Variants in ZNF600 observed in about 807,000 individuals in gnomAD.
ZNF600 encodes zinc finger protein KR-ZNF1.
In ZNF600, 4 loss-of-function variants were observed where a neutral mutation model predicts 7.3. The observed-to-expected ratio is 0.55, with a 90% CI of 0.27 to 1.25. The LOEUF is 1.25. Ranked by LOEUF, ZNF600 falls within the 50% of genes most tolerant of loss-of-function variation. The pLI, the probability that ZNF600 is intolerant of heterozygous loss-of-function variation, is 0.12. For synonymous variants in ZNF600, 290 were observed against 308.9 expected, an observed-to-expected ratio of 0.94 and a Z score of 0.64; for missense variants, 911 against 922.1, an observed-to-expected ratio of 0.99 and a Z score of 0.16.
At chr19:52,818,071 C>T in the ZNF600 span, 2 of 1,531,486 alleles carry the variant, frequency 1.3e-6, no homozygotes, top group Non-Finnish European at 1.8e-6. Context: ...TCAGAATCAA[C>T]ACATCCCCTC....
chr19:52,804,685 A>G, the ZNF600 span, among the ~76,000 whole-genome samples: 2 of 152,098 alleles, frequency 1.3e-5, no homozygotes, highest in Non-Finnish European at 2.9e-5. Flanking sequence ...TTTGGCATTT[A>G]GTAAATTCGA....
At chr19:52,801,798 A>C in the ZNF600 span, 51 of 1,169,208 alleles carry the variant, frequency 4.4e-5, no homozygotes, top group African/African-American at 7.4e-4. Flanking sequence ...TACTTATTTT[A>C]AACTTCCCAA....
the ZNF600 span, chr19:52,798,188 AGT>A: frequency 6.4e-6 from 1 of 157,084 alleles, no homozygotes; most frequent in African/African-American, 2.4e-5. Flanking sequence ...GGCTGGGAAA[AGT>A]GGCTCCCGTC....
the ZNF600 span, among the ~76,000 whole-genome samples, chr19:52,806,680 T>A: frequency 1.3e-5 from 2 of 151,658 alleles, no homozygotes; most frequent in Non-Finnish European, 2.9e-5. Flanking sequence ...GGCAAGTGGG[T>A]CACTTGAGAT....
At chr19:52,826,139 G>A in the ZNF600 span, among the ~76,000 whole-genome samples, 64 of 152,252 alleles carry the variant, frequency 4.2e-4, no homozygotes, top group South Asian at 6.0e-3. Flanking sequence ...AACTTTCTTT[G>A]TCCGGGAGTG....
chr19:52,813,837 G>GT, the ZNF600 span, among the ~76,000 whole-genome samples: 2 of 146,228 alleles, frequency 1.4e-5, 1 homozygote, highest in South Asian at 4.6e-4. Context: ...CTGTTTTTCA[G>GT]TTTTTTGTTT....
upstream of ZNF600, among the ~76,000 whole-genome samples, chr19:52,790,063 C>T (rs2062787434): frequency 6.6e-6 from 1 of 152,146 alleles, no homozygotes; most frequent in Non-Finnish European, 1.5e-5. Flanking sequence ...AAGGCAAGGA[C>T]CGGCCATTTA....
At chr19:52,819,582 G>A in the ZNF600 span, among the ~76,000 whole-genome samples, 16 of 76,122 alleles carry the variant, frequency 2.1e-4, no homozygotes, top group African/African-American at 7.8e-4. Flanking sequence ...TTGCAGGGGA[G>A]GCTCACTGGG....
chr19:52,778,981 G>A, intron 1 of ZNF600, 74 bp from the exon 4 acceptor site: 1 of 1,382,342 alleles, frequency 7.2e-7, no homozygotes, highest in Admixed American at 2.3e-5. Flanking sequence ...CACATGAACA[G>A]GGGAGACCTC....
intron 2 of ZNF600, among the ~76,000 whole-genome samples, chr19:52,775,899 G>A (rs1272321752): frequency 2.0e-5 from 3 of 151,878 alleles, no homozygotes; most frequent in Non-Finnish European, 2.9e-5. Flanking sequence ...CCCAATACTC[G>A]GGAGGCTGAG....
intron 1 of ZNF600, among the ~76,000 whole-genome samples, chr19:52,783,756 C>A (rs2062742587): frequency 6.6e-6 from 1 of 152,090 alleles, no homozygotes; most frequent in Non-Finnish European, 1.5e-5. Context: ...TTTTATGCCC[C>A]TCTCCTGTTT....
At chr19:52,764,372 C>G (rs753975338), downstream of ZNF600, 1 of 151,968 alleles carries the variant, frequency 6.6e-6, no homozygotes, top group South Asian at 2.1e-4. Context: ...CACCACCCCC[C>G]GGCTAACTTT....
chr19:52,829,854 G>T, the ZNF600 span, among the ~76,000 whole-genome samples: 1 of 152,202 alleles, frequency 6.6e-6, no homozygotes, highest in East Asian at 1.9e-4. Context: ...GACGGAGACA[G>T]GAAAAGGAGC....
At chr19:52,800,389 T>C in the ZNF600 span, 2 of 1,613,978 alleles carry the variant, frequency 1.2e-6, no homozygotes, top group Non-Finnish European at 1.7e-6. Flanking sequence ...TGAATCCTCC[T>C]ATGTCTTTCA....
chr19:52,780,934 A>C lies in ZNF600; in HGVS notation c.-19-2027T>G, dbSNP rs1178210122. The stretch of plus-strand genomic sequence containing the variant: ...ATCTGAGATGTGCAGACTGCAAGGA[A>C]ATGTGTTTGGGGGTTTAGAAAGCCA... On this transcript the variant is annotated intron_variant, in intron 1 of 3. It adds an upstream start codon to the 5' untranslated region. Transcript: ENST00000648973. 1 of 152,180 alleles carries C rather than the reference A, an allele frequency of 6.6e-6. No individual in the cohort carries two copies. The highest frequency in any genetic ancestry group is 1.5e-5 in the Non-Finnish European group (1 of 68,032). 9.4% of individuals were successfully genotyped at this position (152,180 alleles called of 1,614,324 possible). A position where few individuals can be genotyped will look rare whatever the true frequency, so the allele number is the denominator to read the frequency against.
intron 2 of ZNF600, 132 bp from the exon 5 acceptor site, chr19:52,774,833 AT>A: frequency 1.0e-6 from 1 of 980,386 alleles, no homozygotes; most frequent in Non-Finnish European, 1.2e-6. Flanking sequence ...TATTTTGAAT[AT>A]TTTTTCCCTA....
chr19:52,778,713 T>C (rs1568632331), intron 2 of ZNF600, 113 bp downstream of exon 4: 4 of 1,399,892 alleles, frequency 2.9e-6, no homozygotes, highest in Non-Finnish European at 3.8e-6. Context: ...TGGCTGAGTG[T>C]GAGTGAACGT....
chr19:52,795,933 G>C, the ZNF600 span, among the ~76,000 whole-genome samples: 2 of 151,422 alleles, frequency 1.3e-5, no homozygotes, highest in African/African-American at 4.9e-5. Flanking sequence ...CCAGCACTTT[G>C]GGAGGCCGAT....
chr19:52,782,171 T>C (rs941315421), intron 1 of ZNF600, among the ~76,000 whole-genome samples: 51 of 152,218 alleles, frequency 3.4e-4, no homozygotes, highest in African/African-American at 1.2e-3. Flanking sequence ...GCCGCTGCAC[T>C]GAGCTGTGAT....
Sources: gnomAD v4.1 joint callset for allele counts (sites outside exome capture counted in the v4.1 genomes callset) on GRCh38, gnomAD v4.1.1 for gene constraint, MANE v1.5 for transcripts, NCBI Gene and HGNC (gene_info 2026-07-23, HGNC 2026-07-21) for gene names.